RMST: variants seen among roughly 807,000 people sequenced by gnomAD.
RMST encodes long intergenic non-protein coding RNA 54.
intron 5 of RMST, chr12:97,483,524 C>T (rs1414704689): frequency 6.6e-6 from 1 of 152,002 alleles, no homozygotes; most frequent in Non-Finnish European, 1.5e-5. Context: ...TGGCTATGTC[C>T]CTCCATTTAA....
chr12:97,499,995 T>G (rs889365275), intron 10 of RMST, among the ~76,000 whole-genome samples: 11 of 152,150 alleles, frequency 7.2e-5, no homozygotes, highest in Admixed American at 2.0e-4. Context: ...TAGCCCCTCA[T>G]GCATGTTTTT....
At chr12:97,532,650 T>TTG (rs1881752159) in intron 11 of RMST, 1 of 149,144 alleles carries the variant, frequency 6.7e-6, no homozygotes, top group South Asian at 2.1e-4. Context: ...GTCCCGTTTT[T>TTG]TTTTTTTTTT....
chr12:97,484,936 G>C (rs2136432266), intron 5 of RMST, among the ~76,000 whole-genome samples: 1 of 152,180 alleles, frequency 6.6e-6, no homozygotes, highest in Non-Finnish European at 1.5e-5. Flanking sequence ...TTCCACACCT[G>C]GTGCATCAGG....
intron 5 of RMST, among the ~76,000 whole-genome samples, chr12:97,472,656 G>A (rs767718692): frequency 6.6e-6 from 1 of 152,060 alleles, no homozygotes; most frequent in Non-Finnish European, 1.5e-5. Context: ...ACTAAAATAA[G>A]ATAAATGGGT....
At chr12:97,475,611 CAT>C (rs1031947578) in intron 5 of RMST, among the ~76,000 whole-genome samples, 6 of 149,310 alleles carry the variant, frequency 4.0e-5, no homozygotes, top group African/African-American at 1.5e-4. Context: ...CCATTTCCCA[CAT>C]GTCAGGCATC....
At chr12:97,527,448 T>G (rs899773809) in intron 10 of RMST, among the ~76,000 whole-genome samples, 3 of 152,140 alleles carry the variant, frequency 2.0e-5, no homozygotes, top group Non-Finnish European at 4.4e-5. Context: ...CAGCCTTAGG[T>G]GACTGCTCCG....
chr12:97,494,997 T>C (rs1386633894), intron 9 of RMST: 30 of 152,186 alleles, frequency 2.0e-4, no homozygotes, highest in Non-Finnish European at 5.9e-5. Context: ...CATATAAAGC[T>C]TCATATACAA....
At chr12:97,541,141 C>G (rs1302249843) in intron 11 of RMST, 1 of 151,570 alleles carries the variant, frequency 6.6e-6, no homozygotes, top group East Asian at 1.9e-4. Context: ...CAATTTCTAA[C>G]AGTTATACAA....
At chr12:97,533,877 A>T (rs893726611) in intron 11 of RMST, 2 of 151,740 alleles carry the variant, frequency 1.3e-5, no homozygotes, top group African/African-American at 4.8e-5. Flanking sequence ...GCTATAGTTT[A>T]TTTTTGCACA....
At chr12:97,513,038 G>C (rs922452807) in intron 10 of RMST, among the ~76,000 whole-genome samples, 1 of 152,224 alleles carries the variant, frequency 6.6e-6, no homozygotes, top group Non-Finnish European at 1.5e-5. Flanking sequence ...CCAACTGCGG[G>C]GTCCGCCGAG....
intron 11 of RMST, among the ~76,000 whole-genome samples, chr12:97,534,165 T>A (rs1419451841): frequency 6.6e-6 from 1 of 151,818 alleles, no homozygotes; most frequent in African/African-American, 2.4e-5. Flanking sequence ...TTCTGTACCT[T>A]GTCTGATAAA....
intron 11 of RMST, among the ~76,000 whole-genome samples, chr12:97,557,349 T>A (rs1883778486): frequency 6.6e-6 from 1 of 152,188 alleles, no homozygotes; most frequent in Admixed American, 6.6e-5. Context: ...TTCAGCTGTG[T>A]GTATGTCTGC....
At chr12:97,467,349 G>C (rs1433781821) in intron 5 of RMST, among the ~76,000 whole-genome samples, 1 of 151,860 alleles carries the variant, frequency 6.6e-6, no homozygotes, top group African/African-American at 2.4e-5. Flanking sequence ...TGACATATTA[G>C]ATCAATTTTC....
Position 97,466,274 on chromosome 12 carries a change from T to G in RMST, n.644+547T>G, listed in dbSNP as rs190935920. On this transcript the variant is annotated intron_variant and non_coding_transcript_variant, in intron 5 of 13. Coordinates refer to ENST00000640149, the Ensembl canonical transcript of RMST. ...GTGGCTTGAAGTAATTTCCAAATAA[T>G]TGATTTTTGAAGGTATTAAAAAAGC... Among the ~76,000 whole-genome samples the G allele has an allele frequency of 4.6e-3, 704 of 152,240 alleles. 7 individuals are homozygous for G. The highest frequency in any genetic ancestry group is 0.016 in the African/African-American group (684 of 41,556).
At chr12:97,463,909 A>G (rs1289251264) in intron 4 of RMST, among the ~76,000 whole-genome samples, 1 of 152,148 alleles carries the variant, frequency 6.6e-6, no homozygotes, top group Non-Finnish European at 1.5e-5. Context: ...ATTGACTCAA[A>G]ATTAGACTGT....
chr12:97,524,313 T>C lies in RMST; in HGVS notation n.1341-6342T>C, dbSNP rs529775107. 2.0e-5 allele frequency among the ~76,000 whole-genome samples: 3 copies of C among 152,106 alleles called. No homozygotes were observed. In the East Asian group the frequency reaches 5.8e-4, roughly 30 times the overall value. On this transcript the variant is annotated intron_variant and non_coding_transcript_variant, in intron 10 of 13. Coordinates refer to ENST00000640149, the Ensembl canonical transcript of RMST. ...ATTTTAGCAAGATCTCCAGGTGATA[T>C]ACAGGATCATTAAAGTTAGAGAAGT...
intron 10 of RMST, among the ~76,000 whole-genome samples, chr12:97,524,573 A>G (rs1392609217): frequency 6.6e-6 from 1 of 152,154 alleles, no homozygotes; most frequent in Non-Finnish European, 1.5e-5. Flanking sequence ...CATTTTGTCT[A>G]ATATGTCAAC....
In RMST at chr12:97,474,157, C is replaced by G. The variant is rs183497991; in HGVS notation, n.644+8430C>G. On this transcript the variant is annotated intron_variant and non_coding_transcript_variant, in intron 5 of 13. Transcript: ENST00000640149. Reference sequence around the variant, plus strand: ...CAAAGGACCAATTTTCCTGGAGATCCTATTACGTGAAGGGACTTATACTGG... The same window carrying G: ...CAAAGGACCAATTTTCCTGGAGATCGTATTACGTGAAGGGACTTATACTGG... Among the ~76,000 whole-genome samples, 715 of 152,134 alleles carry G rather than the reference C, an allele frequency of 4.7e-3. 2 individuals carry two copies. The highest frequency in any genetic ancestry group is 7.1e-3 in the Non-Finnish European group (483 of 67,970).
intron 5 of RMST, among the ~76,000 whole-genome samples, chr12:97,466,055 A>C (rs770302108): frequency 1.4e-4 from 22 of 152,172 alleles, no homozygotes; most frequent in Admixed American, 2.6e-4. Context: ...TTCTAGAACT[A>C]GTAAATTAAG....
Sources: gnomAD v4.1 joint callset for allele counts (sites outside exome capture counted in the v4.1 genomes callset) on GRCh38, gnomAD v4.1.1 for gene constraint, MANE v1.5 for transcripts, NCBI Gene and HGNC (gene_info 2026-07-23, HGNC 2026-07-21) for gene names.